KHDRBS2: variants seen among roughly 807,000 people sequenced by gnomAD.
KHDRBS2 encodes KH domain-containing, RNA-binding, signal transduction-associated protein 2.
KHDRBS2 carries 26 observed loss-of-function variants against 44.3 expected under a neutral mutation model. That is an observed-to-expected ratio of 0.59 (90% CI 0.43 to 0.81). The LOEUF is 0.81. KHDRBS2 is among the 40% of genes least tolerant of loss of function. The probability of loss-of-function intolerance (pLI) is 0.00; values close to 1 mark genes in which losing one functional copy is unlikely to be tolerated. For synonymous variants in KHDRBS2, 194 were observed against 151.1 expected (o/e 1.28, Z -2.08); for missense variants, 476 against 433.1 (o/e 1.10, Z -0.88).
chr6:62,149,752 A>G (rs1273175355), intron 2 of KHDRBS2, among the ~76,000 whole-genome samples: 2 of 152,300 alleles, frequency 1.3e-5, no homozygotes, highest in East Asian at 3.9e-4. Flanking sequence ...GTCACAGACA[A>G]AGAAGGAAAG....
At chr6:62,243,004 T>C (rs1345908018) in intron 1 of KHDRBS2, among the ~76,000 whole-genome samples, 1 of 152,154 alleles carries the variant, frequency 6.6e-6, no homozygotes, top group Non-Finnish European at 1.5e-5. Flanking sequence ...ACTTTTCCAT[T>C]TGGTAAGCTT....
At chr6:61,797,685 CA>C (rs1468178550) in intron 6 of KHDRBS2, among the ~76,000 whole-genome samples, 1 of 149,886 alleles carries the variant, frequency 6.7e-6, no homozygotes, top group Non-Finnish European at 1.5e-5. Flanking sequence ...TAAGAAAGAA[CA>C]AAATAACCTG....
the KHDRBS2 span, among the ~76,000 whole-genome samples, chr6:61,626,203 G>A: frequency 6.6e-6 from 1 of 152,088 alleles, no homozygotes; most frequent in Non-Finnish European, 1.5e-5. Context: ...AGCCTAAATA[G>A]CAATATATAT....
intron 3 of KHDRBS2, among the ~76,000 whole-genome samples, chr6:61,987,297 A>G (rs1264367639): frequency 2.0e-5 from 3 of 152,204 alleles, no homozygotes; most frequent in Non-Finnish European, 2.9e-5. Flanking sequence ...TATATGAACC[A>G]AAAGAGTTAA....
intron 6 of KHDRBS2, among the ~76,000 whole-genome samples, chr6:61,799,537 A>T (rs1477006079): frequency 6.6e-6 from 1 of 152,070 alleles, no homozygotes; most frequent in Non-Finnish European, 1.5e-5. Flanking sequence ...ACATAATCAC[A>T]GATCTTCCCC....
chr6:61,658,638 A>C, the KHDRBS2 span, among the ~76,000 whole-genome samples: 2 of 151,970 alleles, frequency 1.3e-5, no homozygotes, highest in Non-Finnish European at 2.9e-5. Context: ...TAGTCAATGC[A>C]GTAGGGTCCT....
chr6:62,139,791 A>G (rs954547375), intron 2 of KHDRBS2, among the ~76,000 whole-genome samples: 9 of 152,124 alleles, frequency 5.9e-5, no homozygotes, highest in African/African-American at 2.2e-4. Context: ...CAAACCATTT[A>G]TTAATTGACA....
At chr6:62,088,628 C>T (rs907059879) in intron 2 of KHDRBS2, among the ~76,000 whole-genome samples, 3 of 152,130 alleles carry the variant, frequency 2.0e-5, no homozygotes, top group Admixed American at 2.0e-4. Flanking sequence ...CCTGTATGAG[C>T]TTTCTGTAGA....
chr6:61,614,695 C>CT, the KHDRBS2 span, among the ~76,000 whole-genome samples: 5 of 152,160 alleles, frequency 3.3e-5, no homozygotes, highest in South Asian at 1.0e-3. Flanking sequence ...GATTCTTTTA[C>CT]TTTTTTCACA....
At chr6:61,597,589 A>T in the KHDRBS2 span, among the ~76,000 whole-genome samples, 2 of 151,146 alleles carry the variant, frequency 1.3e-5, no homozygotes, top group African/African-American at 4.9e-5. Flanking sequence ...TTGCAGGGTA[A>T]CTTATCAGTG....
chr6:62,126,599 G>C (rs1044483756), intron 2 of KHDRBS2, among the ~76,000 whole-genome samples: 1 of 152,132 alleles, frequency 6.6e-6, no homozygotes. Context: ...AAGTACTTGG[G>C]CCACCCCTCC....
intron 7 of KHDRBS2, among the ~76,000 whole-genome samples, chr6:61,727,982 A>T (rs1231379630): frequency 6.6e-6 from 1 of 152,172 alleles, no homozygotes; most frequent in Non-Finnish European, 1.5e-5. Context: ...ACATATGTTC[A>T]CTGAAGCACT....
At chr6:62,080,658 A>G (rs879659961) in intron 2 of KHDRBS2, among the ~76,000 whole-genome samples, 1 of 152,066 alleles carries the variant, frequency 6.6e-6, no homozygotes, top group Admixed American at 6.6e-5. Context: ...CAATTTGTCC[A>G]TTTAGACCCA....
intron 2 of KHDRBS2, among the ~76,000 whole-genome samples, chr6:62,079,448 A>C (rs1192154466): frequency 6.6e-6 from 1 of 152,052 alleles, no homozygotes; most frequent in Non-Finnish European, 1.5e-5. Flanking sequence ...AAATTAAAAT[A>C]TATTTTACAT....
intron 3 of KHDRBS2, among the ~76,000 whole-genome samples, chr6:62,002,304 G>A (rs1373869750): frequency 6.8e-6 from 1 of 146,056 alleles, no homozygotes. Context: ...GCTTTTCTCA[G>A]TACATTGCTA....
At chr6:61,896,117 C>T (rs1802891852) in intron 5 of KHDRBS2, among the ~76,000 whole-genome samples, 1 of 152,128 alleles carries the variant, frequency 6.6e-6, no homozygotes, top group South Asian at 2.1e-4. Context: ...TTCTGTATTA[C>T]CATGATAATA....
Position 62,261,859 on chromosome 6 carries a change from T to C in KHDRBS2, c.91+23999A>G, listed in dbSNP as rs554704935. ...TGTATAATAATTCTGACAACACTTA[T>C]GTAACAATGAGATTTTTCTCACTCC... On this transcript the variant is annotated intron_variant, in intron 1 of 8. Transcript: ENST00000281156. 1.1e-3 allele frequency among the ~76,000 whole-genome samples: 163 copies of C among 151,940 alleles called. 1 individual carries two copies. Among genetic ancestry groups the C allele is most frequent in the South Asian group, 3.3e-3 (16 of 4,832 alleles).
At chr6:61,956,410 A>AT (rs1168122701) in intron 4 of KHDRBS2, among the ~76,000 whole-genome samples, 1 of 152,044 alleles carries the variant, frequency 6.6e-6, no homozygotes, top group Non-Finnish European at 1.5e-5. Context: ...AAGACAAAAC[A>AT]TTTTTTTCTC....
intron 7 of KHDRBS2, among the ~76,000 whole-genome samples, chr6:61,718,934 T>C (rs964702605): frequency 6.6e-6 from 1 of 152,000 alleles, no homozygotes; most frequent in African/African-American, 2.4e-5. Flanking sequence ...ACTACAAATA[T>C]TCAAAAAAGG....
Sources: allele counts gnomAD v4.1 joint callset (sites outside exome capture counted in the v4.1 genomes callset), GRCh38; gene constraint gnomAD v4.1.1; transcripts MANE v1.5; gene names NCBI Gene and HGNC (gene_info 2026-07-23, HGNC 2026-07-21).